Variants in KCTD16 observed in about 807,000 individuals in gnomAD.
KCTD16 encodes the protein potassium channel tetramerization domain containing 16, also known as BTB/POZ domain-containing protein KCTD16.
In KCTD16, 13 loss-of-function variants were observed where a neutral mutation model predicts 33.2. The ratio of observed to expected loss-of-function variants is 0.39; its 90% CI spans 0.25 to 0.62. The LOEUF is 0.62. KCTD16 is among the 20% of genes least tolerant of loss of function. The pLI is 0.50. For missense variants in KCTD16, 441 were observed against 525.1 expected (o/e 0.84, Z 1.57); for synonymous variants, 197 against 195.3 (o/e 1.01, Z -0.07).
chr5:144,269,895 A>G (rs1337103282), intron 3 of KCTD16, among the ~76,000 whole-genome samples: 1 of 152,088 alleles, frequency 6.6e-6, no homozygotes, highest in Non-Finnish European at 1.5e-5. Context: ...ATATTGTATT[A>G]AACTGGTGTA....
At chr5:144,210,497 A>G (rs1006223741) in intron 3 of KCTD16, among the ~76,000 whole-genome samples, 3 of 152,314 alleles carry the variant, frequency 2.0e-5, no homozygotes, top group Admixed American at 2.0e-4. Flanking sequence ...TTAATTTAAA[A>G]CAATAAGAAG....
intron 3 of KCTD16, among the ~76,000 whole-genome samples, chr5:144,392,689 C>T (rs1345615082): frequency 6.6e-6 from 1 of 152,146 alleles, no homozygotes; most frequent in Non-Finnish European, 1.5e-5. Flanking sequence ...TAAGGGTAGG[C>T]ATGAACCTTT....
chr5:144,434,593 A>G (rs1340076847), intron 3 of KCTD16, among the ~76,000 whole-genome samples: 1 of 152,164 alleles, frequency 6.6e-6, no homozygotes, highest in Non-Finnish European at 1.5e-5. Flanking sequence ...GTTATACATT[A>G]TACATTTTTG....
chr5:144,206,556 T>G lies in KCTD16; in HGVS notation c.-159T>G. On this transcript the variant is annotated 5_prime_UTR_variant, in exon 3 of 4. Transcript: ENST00000512467. The stretch of plus-strand genomic sequence containing the variant: ...CACTTCACCTGTGGACTCTTATACA[T>G]TTTGATTTCTTGGGGGAAAAATACT... The G allele has an allele frequency of 1.5e-6, 1 of 651,962 alleles. No homozygotes were observed. Among genetic ancestry groups the G allele is most frequent in the South Asian group, 2.1e-5 (1 of 46,652 alleles). 40.4% of individuals were successfully genotyped at this position (651,962 alleles called of 1,614,324 possible). A position where few individuals can be genotyped will look rare whatever the true frequency, so the allele number is the denominator to read the frequency against.
intron 3 of KCTD16, among the ~76,000 whole-genome samples, chr5:144,260,977 T>C (rs1754991613): frequency 6.6e-6 from 1 of 151,956 alleles, no homozygotes; most frequent in African/African-American, 2.4e-5. Context: ...ACTTTTCTCC[T>C]TCCTGAGCTT....
chr5:144,258,947 A>T (rs565954444), intron 3 of KCTD16, among the ~76,000 whole-genome samples: 1 of 152,066 alleles, frequency 6.6e-6, no homozygotes, highest in East Asian at 1.9e-4. Context: ...CTACCTGAAA[A>T]TTTTTGATGA....
intron 3 of KCTD16, among the ~76,000 whole-genome samples, chr5:144,415,927 G>A (rs1293136038): frequency 6.6e-6 from 1 of 152,094 alleles, no homozygotes; most frequent in Non-Finnish European, 1.5e-5. Context: ...AAAATGATTG[G>A]GTGCTGAGGG....
intron 3 of KCTD16, among the ~76,000 whole-genome samples, chr5:144,431,500 T>G (rs1220032350): frequency 6.6e-6 from 1 of 152,126 alleles, no homozygotes; most frequent in East Asian, 1.9e-4. Context: ...GCTCTTTAAC[T>G]CAGTTGATTT....
chr5:144,351,525 G>A (rs998308969), intron 3 of KCTD16, among the ~76,000 whole-genome samples: 2 of 152,118 alleles, frequency 1.3e-5, no homozygotes, highest in African/African-American at 2.4e-5. Context: ...GAACTACTAT[G>A]TGACCCAACA....
At chr5:144,450,655 T>C (rs1753920708) in intron 3 of KCTD16, among the ~76,000 whole-genome samples, 2 of 152,118 alleles carry the variant, frequency 1.3e-5, no homozygotes, top group Admixed American at 6.6e-5. Flanking sequence ...GGGTGATAGA[T>C]GAACCCGGAA....
intron 3 of KCTD16, among the ~76,000 whole-genome samples, chr5:144,210,347 C>T (rs1753344313): frequency 6.6e-6 from 1 of 151,998 alleles, no homozygotes; most frequent in African/African-American, 2.4e-5. Context: ...CACTCACACA[C>T]CAAAATACAG....
At chr5:144,297,924 C>A (rs1756090278) in intron 3 of KCTD16, among the ~76,000 whole-genome samples, 1 of 152,204 alleles carries the variant, frequency 6.6e-6, no homozygotes, top group South Asian at 2.1e-4. Flanking sequence ...TCCAACTCGG[C>A]TAGAGCTGAG....
intron 3 of KCTD16, among the ~76,000 whole-genome samples, chr5:144,385,541 G>A (rs960134078): frequency 6.6e-6 from 1 of 152,080 alleles, no homozygotes; most frequent in African/African-American, 2.4e-5. Context: ...TCCCCCAGAT[G>A]TTGCTTCATT....
chr5:144,406,585 C>T (rs1435890832), intron 3 of KCTD16, among the ~76,000 whole-genome samples: 3 of 152,110 alleles, frequency 2.0e-5, no homozygotes, highest in Non-Finnish European at 4.4e-5. Flanking sequence ...TCGAGATGCA[C>T]CGGTTATGGT....
At chr5:144,207,683 A>G (rs1753230804) in intron 3 of KCTD16, 137 bp downstream of exon 3, 9 of 710,386 alleles carry the variant, frequency 1.3e-5, no homozygotes, top group Non-Finnish European at 2.0e-5. Context: ...TTAGAGGATT[A>G]GAGGTTATAA....
chr5:144,421,137 T>C (rs1251992597), intron 3 of KCTD16, among the ~76,000 whole-genome samples: 2 of 152,202 alleles, frequency 1.3e-5, no homozygotes, highest in South Asian at 2.1e-4. Context: ...TGGTTGCTTA[T>C]TTTTAATTGA....
chr5:144,218,023 G>C (rs1176151547), intron 3 of KCTD16, among the ~76,000 whole-genome samples: 4 of 152,156 alleles, frequency 2.6e-5, no homozygotes, highest in African/African-American at 7.2e-5. Context: ...ACCTTGCTGT[G>C]CCCTTTGCTC....
Position 144,363,537 on chromosome 5 carries a change from GT to G in KCTD16, c.833-110114del, listed in dbSNP as rs138948199. Among the ~76,000 whole-genome samples the G allele has an allele frequency of 1.1e-3, 168 of 150,286 alleles. 1 individual carries two copies. The highest frequency in any genetic ancestry group is 3.7e-3 in the African/African-American group (152 of 40,880). ...ATGCTCTCTGCACCTGCCTCTTACT[GT>G]TTTTTTTTGTGACAGATTCTCCCCT... On this transcript the variant is annotated intron_variant, in intron 3 of 3. Transcript: ENST00000512467.
intron 1 of KCTD16, among the ~76,000 whole-genome samples, chr5:144,173,071 C>T (rs797004451): frequency 1.4e-4 from 22 of 152,242 alleles, no homozygotes; most frequent in African/African-American, 5.1e-4. Flanking sequence ...GACAGTGTGG[C>T]GAATCCTCAA....
Sources: allele counts gnomAD v4.1 joint callset (sites outside exome capture counted in the v4.1 genomes callset), GRCh38; gene constraint gnomAD v4.1.1; transcripts MANE v1.5; gene names NCBI Gene and HGNC (gene_info 2026-07-23, HGNC 2026-07-21).